Variants in FAM117A observed in about 807,000 individuals in gnomAD.
FAM117A encodes family with sequence similarity 117 member A, also known as protein FAM117A.
In FAM117A, 21 loss-of-function variants were observed where a neutral mutation model predicts 44.1. The observed-to-expected ratio is 0.48, with a 90% CI of 0.34 to 0.69. The LOEUF (loss-of-function observed/expected upper bound fraction) is 0.69, where lower values mean the gene tolerates loss of function less well. FAM117A is among the 30% of genes least tolerant of loss of function. The probability of loss-of-function intolerance (pLI) is 0.01; values close to 1 mark genes in which losing one functional copy is unlikely to be tolerated. For missense variants in FAM117A, 498 were observed against 589.9 expected (o/e 0.84, Z 1.61); for synonymous variants, 220 against 238.3 (o/e 0.92, Z 0.71).
intron 1 of FAM117A, among the ~76,000 whole-genome samples, chr17:49,757,407 G>A (rs2073703294): frequency 6.6e-6 from 1 of 152,148 alleles, no homozygotes; most frequent in African/African-American, 2.4e-5. Flanking sequence ...CACAGTAAGG[G>A]TCGATCAAGG....
At chr17:49,753,732 A>G (rs2073686291) in intron 1 of FAM117A, among the ~76,000 whole-genome samples, 1 of 152,142 alleles carries the variant, frequency 6.6e-6, no homozygotes, top group African/African-American at 2.4e-5. Context: ...TGCAGTCAGC[A>G]GAGATTGTGC....
In FAM117A at chr17:49,720,345, G is replaced by C. The variant is rs1177234214; in HGVS notation, c.554C>G (p.Ala185Gly). ...ACATACCCTCAGTGCTCCCCGCACTGCGTGGTCCCCTAGGAGTGGTGAACC... is the reference window on the plus strand; with the variant it reads ...ACATACCCTCAGTGCTCCCCGCACTCCGTGGTCCCCTAGGAGTGGTGAACC... ...ERGSPLLGDH[A>G]VRGALRASPP... Residue 185 changes from alanine (A) to glycine (G), a missense_variant, in exon 4 of 8, where the codon GCA (alanine) becomes GGA (glycine). Ala to Gly is a moderately conservative substitution (Grantham distance 60). Coordinates refer to ENST00000240364, the MANE Select transcript of FAM117A (RefSeq NM_030802.4). 3 of 1,613,560 alleles carry C rather than the reference G, an allele frequency of 1.9e-6. No homozygotes were observed. Among genetic ancestry groups the C allele is most frequent in the African/African-American group, 1.3e-5 (1 of 74,932 alleles).
Position 49,764,024 on chromosome 17 carries a change from CGGCCCCTCCGCGCCCCGGCCCCCA to C in FAM117A, c.40_63del (p.Trp14_Ala21del), listed in dbSNP as rs771613500. 39 of 1,202,360 alleles carry C rather than the reference CGGCCCCTCCGCGCCCCGGCCCCCA, an allele frequency of 3.2e-5. No homozygotes were observed. The Admixed American group carries it at 1.2e-3, about 38-fold the overall frequency. The allele number at this position is 1,202,360 out of a possible 1,614,324, so 74.5% of individuals were successfully genotyped here. A position where few individuals can be genotyped will look rare whatever the true frequency, so the allele number is the denominator to read the frequency against. On this transcript the variant is annotated inframe_deletion, in exon 1 of 8. Coordinates refer to ENST00000240364, the MANE Select transcript of FAM117A (RefSeq NM_030802.4). ...GGAGAGCAGCCCCGCCGGAGCCCCCCGGCCCCTCCGCGCCCCGGCCCCCAGGCACCTCCGCCTCTGCCGCCCGCT... is the reference window on the plus strand; with the variant it reads ...GGAGAGCAGCCCCGCCGGAGCCCCCCGGCACCTCCGCCTCTGCCGCCCGCT...
At chr17:49,732,952 G>T in intron 1 of FAM117A, 1 of 526,572 alleles carries the variant, frequency 1.9e-6, no homozygotes, top group South Asian at 2.4e-5. Flanking sequence ...TTTTACTTTG[G>T]ACTTGGATGT....
intron 1 of FAM117A, among the ~76,000 whole-genome samples, chr17:49,744,057 T>A (rs1385439296): frequency 6.6e-6 from 1 of 152,218 alleles, no homozygotes; most frequent in Non-Finnish European, 1.5e-5. Flanking sequence ...TTCTGCTTTA[T>A]GAACAAACCA....
At chr17:49,762,108 T>A (rs2073724622) in intron 1 of FAM117A, among the ~76,000 whole-genome samples, 1 of 152,220 alleles carries the variant, frequency 6.6e-6, no homozygotes, top group Non-Finnish European at 1.5e-5. Flanking sequence ...AAACCTACGT[T>A]CTTCCCCCTT....
chr17:49,770,642 G>A (rs1019218697), intron 1 of FAM117A, among the ~76,000 whole-genome samples: 8 of 152,060 alleles, frequency 5.3e-5, no homozygotes, highest in Non-Finnish European at 1.2e-4. Context: ...GGTGGCTCAC[G>A]CCTGTAATCA....
At chr17:49,774,965 C>G (rs1443234329) in intron 1 of FAM117A, among the ~76,000 whole-genome samples, 1 of 152,110 alleles carries the variant, frequency 6.6e-6, no homozygotes, top group Non-Finnish European at 1.5e-5. Context: ...GCTCTGACTC[C>G]CTAAGTTTCA....
At chr17:49,749,575 C>CAAAAAAAAA (rs1167215497) in intron 1 of FAM117A, among the ~76,000 whole-genome samples, 1 of 45,862 alleles carries the variant, frequency 2.2e-5, no homozygotes. Context: ...GACTCCGTCT[C>CAAAAAAAAA]AAAAAAAAAA....
chr17:49,738,531 T>C (rs530505302), intron 1 of FAM117A, among the ~76,000 whole-genome samples: 1 of 152,176 alleles, frequency 6.6e-6, no homozygotes, highest in Non-Finnish European at 1.5e-5. Flanking sequence ...TCTTACTACA[T>C]CTAAATCAAA....
chr17:49,726,813 A>T (rs186688153), intron 2 of FAM117A, among the ~76,000 whole-genome samples: 1 of 151,582 alleles, frequency 6.6e-6, no homozygotes, highest in Admixed American at 6.6e-5. Context: ...CTATCTCTAT[A>T]AAAGAAATAA....
Position 49,751,279 on chromosome 17 carries a change from C to CAA in FAM117A, c.196+12611_196+12612dup, listed in dbSNP as rs746063068. On this transcript the variant is annotated intron_variant, in intron 1 of 7. Coordinates refer to ENST00000240364, the MANE Select transcript of FAM117A (RefSeq NM_030802.4). ...GGGCAACAAGAGCAAAATCTGTCTC[C>CAA]AAAAAAAAAAAAAAAAAAAAGCCGG... Among the ~76,000 whole-genome samples the CAA allele has an allele frequency of 5.4e-4, 23 of 42,486 alleles. 1 individual carries two copies. The highest frequency in any genetic ancestry group is 2.1e-3 in the South Asian group (3 of 1,420). The allele number at this position is 42,486 out of a possible 152,430, so 27.9% of individuals were successfully genotyped here. A position where few individuals can be genotyped will look rare whatever the true frequency, so the allele number is the denominator to read the frequency against.
At chr17:49,760,713 A>G (rs2073719404) in intron 1 of FAM117A, among the ~76,000 whole-genome samples, 1 of 152,214 alleles carries the variant, frequency 6.6e-6, no homozygotes, top group Non-Finnish European at 1.5e-5. Context: ...CACGCTAAAC[A>G]AGATAGGTAA....
Position 49,716,147 on chromosome 17 carries a change from T to C in FAM117A, c.1061+18A>G. On this transcript the variant is annotated intron_variant, in intron 7 of 7. Coordinates refer to ENST00000240364, the MANE Select transcript of FAM117A (RefSeq NM_030802.4). ...GCCCACCCTCCCCTCCCACACCCTG[T>C]CCACTTGGTGTACTCACGTGGCTTC... The C allele has an allele frequency of 6.3e-7, 1 of 1,591,530 alleles. No homozygotes were observed.
At chr17:49,754,285 A>G (rs1173045510) in intron 1 of FAM117A, among the ~76,000 whole-genome samples, 1 of 151,386 alleles carries the variant, frequency 6.6e-6, no homozygotes, top group East Asian at 1.9e-4. Context: ...GGGCGACCAG[A>G]CATGCACAGA....
At chr17:49,718,394 C>T (rs555873978) in intron 5 of FAM117A, among the ~76,000 whole-genome samples, 84 of 152,300 alleles carry the variant, frequency 5.5e-4, no homozygotes, top group Middle Eastern at 3.4e-3. Flanking sequence ...GCCAGCTGGG[C>T]GCAGTGGCTC....
At chr17:49,785,662 T>A (rs1172193348) in intron 1 of FAM117A, among the ~76,000 whole-genome samples, 1 of 152,222 alleles carries the variant, frequency 6.6e-6, no homozygotes, top group Non-Finnish European at 1.5e-5. Flanking sequence ...TATCTATGTT[T>A]CTATTATCTG....
At chr17:49,767,574 A>G (rs1006680198), upstream of FAM117A, among the ~76,000 whole-genome samples, 2 of 152,180 alleles carry the variant, frequency 1.3e-5, no homozygotes, top group African/African-American at 4.8e-5. Context: ...CTGCTTTCAG[A>G]GACTTTGGGT....
chr17:49,770,463 G>C (rs1046045402), intron 1 of FAM117A, among the ~76,000 whole-genome samples: 2 of 152,104 alleles, frequency 1.3e-5, no homozygotes, highest in African/African-American at 4.8e-5. Flanking sequence ...TTTATAGAGA[G>C]AGCAAGCAGA....
Sources: gnomAD v4.1 joint callset for allele counts (sites outside exome capture counted in the v4.1 genomes callset) on GRCh38, gnomAD v4.1.1 for gene constraint, MANE v1.5 for transcripts, NCBI Gene and HGNC (gene_info 2026-07-23, HGNC 2026-07-21) for gene names.